Variants in PTPN3 observed in about 807,000 individuals in gnomAD.
PTPN3 encodes the protein protein tyrosine phosphatase non-receptor type 3, also known as tyrosine-protein phosphatase non-receptor type 3.
Under a neutral mutation model 132.7 loss-of-function variants are expected in PTPN3, and 96 were observed. The observed-to-expected ratio is 0.72, with a 90% CI of 0.61 to 0.86. The LOEUF is 0.86. Among genes scored for constraint, PTPN3 ranks in the 40% least tolerant of loss-of-function variants. The probability of loss-of-function intolerance (pLI) is 0.00; values close to 1 mark genes in which losing one functional copy is unlikely to be tolerated. For missense variants in PTPN3, 1,125 were observed against 1,159.6 expected (o/e 0.97, Z 0.43); for synonymous variants, 398 against 429.0 (o/e 0.93, Z 0.89).
At chr9:109,420,876 C>T (rs1023129582) in intron 13 of PTPN3, among the ~76,000 whole-genome samples, 10 of 152,188 alleles carry the variant, frequency 6.6e-5, no homozygotes, top group Non-Finnish European at 1.2e-4. Context: ...TGGGAAGTGA[C>T]GGGTATTGAC....
chr9:109,468,505 T>A (rs962774865), intron 1 of PTPN3, among the ~76,000 whole-genome samples: 10 of 152,168 alleles, frequency 6.6e-5, no homozygotes, highest in Non-Finnish European at 2.9e-5. Flanking sequence ...CAGGTGGGAC[T>A]ACAGGCGCCC....
intron 1 of PTPN3, among the ~76,000 whole-genome samples, chr9:109,465,231 A>G (rs1343562004): frequency 1.3e-5 from 2 of 152,208 alleles, no homozygotes; most frequent in Non-Finnish European, 2.9e-5. Flanking sequence ...AAGGTGTGCA[A>G]CTGAGGACAT....
At chr9:109,478,399 A>G (rs1183756583) in intron 1 of PTPN3, among the ~76,000 whole-genome samples, 1 of 152,178 alleles carries the variant, frequency 6.6e-6, no homozygotes, top group Non-Finnish European at 1.5e-5. Flanking sequence ...ACGATATTCC[A>G]CCACGTGGGT....
At chr9:109,412,452 C>T (rs939189144) in intron 14 of PTPN3, among the ~76,000 whole-genome samples, 3 of 151,940 alleles carry the variant, frequency 2.0e-5, no homozygotes, top group Non-Finnish European at 2.9e-5. Flanking sequence ...CGGCTCACTG[C>T]AACCTCCGCC....
chr9:109,477,511 C>T (rs1846737474), intron 1 of PTPN3, among the ~76,000 whole-genome samples: 1 of 152,202 alleles, frequency 6.6e-6, no homozygotes, highest in Admixed American at 6.5e-5. Context: ...ATTTCAGAAG[C>T]ATTAAAGTGT....
chr9:109,424,065 T>C (rs547327003), intron 12 of PTPN3, among the ~76,000 whole-genome samples: 1 of 152,174 alleles, frequency 6.6e-6, no homozygotes, highest in Admixed American at 6.5e-5. Context: ...CTGCCAGTGA[T>C]GAAGAGCACA....
Position 109,438,157 on chromosome 9 carries a change from C to T in PTPN3, c.544G>A (p.Glu182Lys). Residue 182 changes from glutamate to lysine, a missense_variant, in exon 8 of 26, where the codon GAG (glutamate) becomes AAG (lysine). By Grantham distance (56) the Glu-to-Lys change is moderately conservative. Transcript: ENST00000374541. ...SDSHFIPDQNEDFLTKVESLH... is the reference protein window; with the variant it reads ...SDSHFIPDQNKDFLTKVESLH... ...GATTCGACTTTTGTTAAAAAGTCCT[C>T]ATTTTGATCGGGTATAAAGTGACTA... The T allele has an allele frequency of 6.2e-7, 1 of 1,613,950 alleles. No individual in the cohort carries two copies. Among genetic ancestry groups the T allele is most frequent in the Non-Finnish European group, 8.5e-7 (1 of 1,179,926 alleles).
At chr9:109,415,529 G>A (rs1842422456) in intron 14 of PTPN3, among the ~76,000 whole-genome samples, 1 of 152,228 alleles carries the variant, frequency 6.6e-6, no homozygotes, top group South Asian at 2.1e-4. Context: ...TCTTGGATGT[G>A]TATTTCAGAA....
At chr9:109,465,053 T>C (rs1221842736) in intron 1 of PTPN3, among the ~76,000 whole-genome samples, 1 of 152,244 alleles carries the variant, frequency 6.6e-6, no homozygotes, top group Non-Finnish European at 1.5e-5. Flanking sequence ...TGTGTACTTT[T>C]CCATATGTAT....
intron 19 of PTPN3, among the ~76,000 whole-genome samples, chr9:109,392,272 A>G (rs954749141): frequency 6.6e-6 from 1 of 152,062 alleles, no homozygotes; most frequent in African/African-American, 2.4e-5. Flanking sequence ...TCCAAGGCTT[A>G]TGTTTTCTTT....
intron 2 of PTPN3, 88 bp downstream of exon 2, chr9:109,463,209 T>G: frequency 7.7e-7 from 1 of 1,291,566 alleles, no homozygotes; most frequent in Non-Finnish European, 1.1e-6. Flanking sequence ...TAAAATATTT[T>G]TTTCTTCATT....
intron 14 of PTPN3, among the ~76,000 whole-genome samples, chr9:109,417,969 C>T (rs1842642996): frequency 6.6e-6 from 1 of 152,170 alleles, no homozygotes. Flanking sequence ...TCAAACAGTG[C>T]TTGAAGGAGT....
the PTPN3 span, among the ~76,000 whole-genome samples, chr9:109,537,932 A>G: frequency 6.6e-6 from 1 of 152,252 alleles, no homozygotes; most frequent in Non-Finnish European, 1.5e-5. Context: ...ACTTGCTGTC[A>G]TAGAAGTGTA....
the PTPN3 span, chr9:109,511,630 C>G: frequency 6.5e-6 from 1 of 153,138 alleles, no homozygotes; most frequent in African/African-American, 2.4e-5. Flanking sequence ...GGGGCCCAGC[C>G]AGGCCAGGTT....
intron 13 of PTPN3, among the ~76,000 whole-genome samples, chr9:109,422,107 A>C (rs1842923029): frequency 6.6e-6 from 1 of 150,818 alleles, no homozygotes; most frequent in Non-Finnish European, 1.5e-5. Flanking sequence ...GGGGAAACTG[A>C]GGCTACAGAG....
intron 19 of PTPN3, among the ~76,000 whole-genome samples, chr9:109,394,239 G>T (rs76681347): frequency 0.017 from 2,563 of 152,222 alleles, 69 homozygotes; most frequent in African/African-American, 0.059. Context: ...AGCTAACCTG[G>T]TGGGAAAAAG....
At chr9:109,383,390 C>T (rs1285678378) in intron 23 of PTPN3, 33 bp downstream of exon 23, 2 of 1,613,986 alleles carry the variant, frequency 1.2e-6, no homozygotes, top group East Asian at 2.2e-5. Context: ...TCAGCACCTG[C>T]CCCTCCACCG....
intron 19 of PTPN3, among the ~76,000 whole-genome samples, chr9:109,399,849 C>T (rs898164447): frequency 6.6e-6 from 1 of 151,944 alleles, no homozygotes. Flanking sequence ...TCAGCCAGGA[C>T]GCCCACCTGC....
intron 16 of PTPN3, 133 bp downstream of exon 16, chr9:109,409,866 C>A: frequency 1.4e-6 from 2 of 1,399,072 alleles, no homozygotes; most frequent in Non-Finnish European, 9.3e-7. Flanking sequence ...AAAAAACCCC[C>A]AACTCTCAAT....
Sources: allele counts gnomAD v4.1 joint callset (sites outside exome capture counted in the v4.1 genomes callset), GRCh38; gene constraint gnomAD v4.1.1; transcripts MANE v1.5; gene names NCBI Gene and HGNC (gene_info 2026-07-23, HGNC 2026-07-21).